Variants in BTBD1 observed in about 807,000 individuals in gnomAD.
The protein encoded by BTBD1 is BTB domain containing 1, also known as BTB/POZ domain-containing protein 1.
BTBD1 carries 34 observed loss-of-function variants against 48.0 expected under a neutral mutation model. That is an observed-to-expected ratio of 0.71 (90% CI 0.54 to 0.94). The LOEUF (loss-of-function observed/expected upper bound fraction) is 0.94, where lower values mean the gene tolerates loss of function less well. BTBD1 is among the 40% of genes least tolerant of loss of function. The pLI, the probability that BTBD1 is intolerant of heterozygous loss-of-function variation, is 0.00. For missense variants in BTBD1, 543 were observed against 625.6 expected (o/e 0.87, Z 1.41); for synonymous variants, 261 against 242.1 (o/e 1.08, Z -0.72).
At chr15:83,048,618 T>C (rs529399074) in intron 3 of BTBD1, among the ~76,000 whole-genome samples, 1 of 151,552 alleles carries the variant, frequency 6.6e-6, no homozygotes, top group South Asian at 2.1e-4. Context: ...CCCTCTCCAC[T>C]ATCCAAACAC....
Position 83,041,711 on chromosome 15 carries a change from T to C in BTBD1, c.862+17A>G, listed in dbSNP as rs112860545. On this transcript the variant is annotated intron_variant, in intron 4 of 7. Coordinates refer to ENST00000261721, the MANE Select transcript of BTBD1 (RefSeq NM_025238.4). ...TAAAACAGTTTCAAATAGATTTTGG[T>C]GAATTTATACCCTTACCTGCTGCAA... 310 of 1,610,960 alleles carry C rather than the reference T, an allele frequency of 1.9e-4. 1 individual carries two copies. The African/African-American group carries it at 3.5e-3, about 18-fold the overall frequency.
At chr15:83,043,903 C>T (rs12910117) in intron 3 of BTBD1, among the ~76,000 whole-genome samples, 1 of 152,100 alleles carries the variant, frequency 6.6e-6, no homozygotes, top group Admixed American at 6.5e-5. Context: ...CACTCAGAAC[C>T]CTTTTCCTCT....
chr15:83,039,984 GAC>G (rs34590396), intron 4 of BTBD1, among the ~76,000 whole-genome samples: 22,153 of 145,858 alleles, frequency 0.15, 1,607 homozygotes, highest in Middle Eastern at 0.26. Context: ...TAGAGAATGT[GAC>G]ACACACACAC....
intron 5 of BTBD1, among the ~76,000 whole-genome samples, chr15:83,021,676 C>A (rs2032298516): frequency 1.3e-5 from 2 of 151,790 alleles, no homozygotes; most frequent in South Asian, 4.1e-4. Context: ...ATCGTTTGAA[C>A]CTGGGAGAAG....
Position 83,067,146 on chromosome 15 carries a change from G to C in BTBD1, c.6C>G (p.Ala2=), listed in dbSNP as rs1449714053. The change falls in exon 1 of 8, where the codon GCC becomes GCG. Residue 2 remains alanine, a synonymous_variant. Coordinates refer to ENST00000261721, the MANE Select transcript of BTBD1 (RefSeq NM_025238.4). M[A]SLGPAAAGEQ... ...CCCCAGCTGCGGCAGGCCCGAGTGA[G>C]GCCATCCTCCAGCTGCGCGGTTGCC... The C allele has an allele frequency of 1.4e-6, 2 of 1,431,000 alleles. No individual in the cohort carries two copies. The highest frequency in any genetic ancestry group is 1.8e-6 in the Non-Finnish European group (2 of 1,099,172). 88.6% of individuals were successfully genotyped at this position (1,431,000 alleles called of 1,614,324 possible). A position where few individuals can be genotyped will look rare whatever the true frequency, so the allele number is the denominator to read the frequency against.
intron 5 of BTBD1, among the ~76,000 whole-genome samples, chr15:83,021,955 T>C (rs1363346578): frequency 6.6e-6 from 1 of 152,132 alleles, no homozygotes; most frequent in Non-Finnish European, 1.5e-5. Context: ...TACAGAATTA[T>C]TTCCTTTAGT....
intron 4 of BTBD1, among the ~76,000 whole-genome samples, chr15:83,031,721 T>C (rs1160337195): frequency 4.6e-5 from 7 of 151,828 alleles, no homozygotes; most frequent in Admixed American, 4.6e-4. Context: ...GGCACACGTA[T>C]ACGTATGTAA....
intron 3 of BTBD1, among the ~76,000 whole-genome samples, chr15:83,047,699 GAAC>G (rs1253123598): frequency 6.6e-6 from 1 of 152,176 alleles, no homozygotes; most frequent in Non-Finnish European, 1.5e-5. Flanking sequence ...GGGCATGACA[GAAC>G]AACAAGAACG....
At chr15:83,035,034 C>T (rs536952770) in intron 4 of BTBD1, among the ~76,000 whole-genome samples, 1 of 152,306 alleles carries the variant, frequency 6.6e-6, no homozygotes, top group South Asian at 2.1e-4. Context: ...TGGCTCATGC[C>T]TGTAATCCTA....
Position 83,023,434 on chromosome 15 carries a change from C to T in BTBD1, c.1056-2672G>A, listed in dbSNP as rs932061810. The stretch of plus-strand genomic sequence containing the variant: ...TTGCTCTGTCACCCGAACTGGAGAG[C>T]AGTGGTGCAATCATGGCTCACTGCA... On this transcript the variant is annotated intron_variant, in intron 5 of 7. Transcript: ENST00000261721. 6.6e-5 allele frequency among the ~76,000 whole-genome samples: 10 copies of T among 152,284 alleles called. 1 individual carries two copies. In the East Asian group the frequency reaches 9.6e-4, roughly 15 times the overall value.
rs1158423793 is a variant in BTBD1, at chr15:83,067,053, A to G, written c.99T>C (p.Ser33=). The G allele has an allele frequency of 6.3e-6, 10 of 1,578,364 alleles. No individual in the cohort carries two copies. The highest frequency in any genetic ancestry group is 1.1e-5 in the South Asian group (1 of 88,116). The change falls in exon 1 of 8, where the codon TCT becomes TCC. Residue 33 remains serine, a synonymous_variant. Coordinates refer to ENST00000261721, the MANE Select transcript of BTBD1 (RefSeq NM_025238.4). ...AGPPPPPSPS[S]LGPLLPLQRE... is the part of the protein sequence containing the mutation. The stretch of plus-strand genomic sequence containing the variant: ...GCTGCAGGGGGAGCAGGGGCCCCAG[A>G]GAGGACGGTGAGGGCGGCGGCGGCG...
intron 3 of BTBD1, among the ~76,000 whole-genome samples, chr15:83,047,773 T>C (rs2032907432): frequency 6.6e-6 from 1 of 152,176 alleles, no homozygotes; most frequent in African/African-American, 2.4e-5. Context: ...TAAACTTCTG[T>C]GTTTGAGCCA....
At chr15:83,036,103 CAAA>C (rs563839312) in intron 4 of BTBD1, among the ~76,000 whole-genome samples, 3 of 75,116 alleles carry the variant, frequency 4.0e-5, no homozygotes, top group Non-Finnish European at 5.1e-5. Context: ...GTATCATTAC[CAAA>C]AAAAAAAAAA....
At chr15:83,044,734 A>G (rs2032843854) in intron 3 of BTBD1, 2 of 1,469,376 alleles carry the variant, frequency 1.4e-6, no homozygotes, top group South Asian at 2.3e-5. Context: ...GTCATGAACA[A>G]TGTCGCCTGT....
chr15:83,032,969 C>A (rs371196173), intron 4 of BTBD1, among the ~76,000 whole-genome samples: 1,016 of 86,542 alleles, frequency 0.012, no homozygotes, highest in South Asian at 0.024. Context: ...TACTCTGTCT[C>A]AAAAAAAAAA....
chr15:83,021,833 A>G (rs2032305652), intron 5 of BTBD1, among the ~76,000 whole-genome samples: 1 of 152,054 alleles, frequency 6.6e-6, no homozygotes, highest in Non-Finnish European at 1.5e-5. Context: ...GCAAAATTAC[A>G]TTGAGTAACT....
chr15:83,029,933 T>C, intron 5 of BTBD1: 1 of 608,764 alleles, frequency 1.6e-6, no homozygotes, highest in Non-Finnish European at 2.9e-6. Flanking sequence ...ATTTTTTTCT[T>C]AAGAAGTCAC....
intron 4 of BTBD1, among the ~76,000 whole-genome samples, chr15:83,032,502 A>G (rs1283370848): frequency 6.6e-6 from 1 of 152,202 alleles, no homozygotes; most frequent in Non-Finnish European, 1.5e-5. Context: ...CAACAACTGG[A>G]TGAAGAAAAT....
intron 3 of BTBD1, among the ~76,000 whole-genome samples, chr15:83,043,686 G>A (rs945544653): frequency 2.4e-4 from 37 of 152,180 alleles, no homozygotes; most frequent in African/African-American, 8.7e-4. Flanking sequence ...TGTGAGGTGT[G>A]ATTTAAAGAG....
Sources: gnomAD v4.1 joint callset for allele counts (sites outside exome capture counted in the v4.1 genomes callset) on GRCh38, gnomAD v4.1.1 for gene constraint, MANE v1.5 for transcripts, NCBI Gene and HGNC (gene_info 2026-07-23, HGNC 2026-07-21) for gene names.